The following SSX2IP variants were observed in gnomAD, a reference collection of about 807,000 sequenced individuals.
SSX2IP encodes the protein afadin- and alpha-actinin-binding protein.
A neutral mutation model predicts 84.9 loss-of-function variants in SSX2IP; 55 were observed. The ratio of observed to expected loss-of-function variants is 0.65; its 90% CI spans 0.52 to 0.81. The LOEUF (loss-of-function observed/expected upper bound fraction) is 0.81, where lower values mean the gene tolerates loss of function less well. Among genes scored for constraint, SSX2IP ranks in the 30% least tolerant of loss-of-function variants. The pLI is 0.00. For missense variants in SSX2IP, 664 were observed against 705.2 expected (o/e 0.94, Z 0.66); for synonymous variants, 239 against 234.7 (o/e 1.02, Z -0.17).
chr1:84,684,433 T>A (rs1433726551), intron 1 of SSX2IP, among the ~76,000 whole-genome samples: 87 of 152,186 alleles, frequency 5.7e-4, no homozygotes, highest in Non-Finnish European at 4.4e-5. Context: ...CCAAGAATGA[T>A]GTAAAAGTGT....
intron 1 of SSX2IP, among the ~76,000 whole-genome samples, chr1:84,685,170 C>T (rs1557534719): frequency 6.6e-6 from 1 of 152,212 alleles, no homozygotes; most frequent in Non-Finnish European, 1.5e-5. Context: ...CTAAATTCTA[C>T]CCAGTCAGTT....
chr1:84,656,957 A>C (rs1355290250), intron 9 of SSX2IP, among the ~76,000 whole-genome samples: 1 of 152,210 alleles, frequency 6.6e-6, no homozygotes, highest in African/African-American at 2.4e-5. Context: ...ACAAATACGA[A>C]GTCCAAACAT....
intron 1 of SSX2IP, among the ~76,000 whole-genome samples, chr1:84,673,466 G>A (rs1653875089): frequency 6.6e-6 from 1 of 152,208 alleles, no homozygotes; most frequent in Non-Finnish European, 1.5e-5. Context: ...TAGGAAGTCG[G>A]ATTTCCTCTA....
intron 11 of SSX2IP, chr1:84,652,307 C>T (rs1033903040): frequency 4.0e-5 from 9 of 222,874 alleles, no homozygotes; most frequent in Admixed American, 1.5e-4. Flanking sequence ...ACTACAGTCT[C>T]AGCTACTTTG....
At chr1:84,679,622 C>T (rs770123817) in intron 1 of SSX2IP, among the ~76,000 whole-genome samples, 12 of 152,136 alleles carry the variant, frequency 7.9e-5, no homozygotes, top group Non-Finnish European at 1.3e-4. Flanking sequence ...ATGCTCTCTT[C>T]AAGATGGTTT....
At chr1:84,655,044 C>T (rs1650874411) in intron 11 of SSX2IP, among the ~76,000 whole-genome samples, 1 of 151,644 alleles carries the variant, frequency 6.6e-6, no homozygotes, top group African/African-American at 2.4e-5. Flanking sequence ...ACAAGAGGAA[C>T]AATATTATGA....
Position 84,658,439 on chromosome 1 carries a change from C to T in SSX2IP, c.957G>A (p.Gly319=). The T allele has an allele frequency of 6.2e-7, 1 of 1,613,982 alleles. No homozygotes were observed. The highest frequency in any genetic ancestry group is 1.1e-5 in the South Asian group (1 of 91,046). Residue 319 remains glycine (G), a synonymous_variant, in exon 9 of 14, where the codon GGG becomes GGA. Coordinates refer to ENST00000342203, the MANE Select transcript of SSX2IP (RefSeq NM_001166293.2). ...TVISDVEEDA[G]ELSRESMWDL... ...CCCACATACTCTCTCTGCTTAGTTC[C>T]CCGGCATCTTCTTCAACATCGGAAA...
intron 1 of SSX2IP, among the ~76,000 whole-genome samples, chr1:84,689,911 G>A (rs1448538900): frequency 6.6e-6 from 1 of 152,156 alleles, no homozygotes; most frequent in Non-Finnish European, 1.5e-5. Flanking sequence ...TCGTTTTAAA[G>A]ACTGCCTCTT....
chr1:84,677,491 T>A (rs1225397521), intron 1 of SSX2IP, among the ~76,000 whole-genome samples: 1 of 152,184 alleles, frequency 6.6e-6, no homozygotes, highest in African/African-American at 2.4e-5. Flanking sequence ...GTCTCTAGGA[T>A]GGCTCTCAGT....
intron 9 of SSX2IP, among the ~76,000 whole-genome samples, chr1:84,657,211 T>G (rs970804345): frequency 2.0e-5 from 3 of 152,058 alleles, no homozygotes; most frequent in African/African-American, 4.8e-5. Flanking sequence ...AAGAATATAT[T>G]CATCAATGTA....
intron 13 of SSX2IP, chr1:84,649,858 C>A: frequency 2.1e-6 from 1 of 485,460 alleles, no homozygotes; most frequent in African/African-American, 2.0e-5. Context: ...TATGGGTTTC[C>A]CAGGGTGGAG....
intron 12 of SSX2IP, among the ~76,000 whole-genome samples, chr1:84,650,780 C>G (rs1650116085): frequency 6.6e-6 from 1 of 151,836 alleles, no homozygotes; most frequent in Middle Eastern, 3.2e-3. Flanking sequence ...TCTTGCCTCA[C>G]TGCAAGCTCC....
intron 1 of SSX2IP, among the ~76,000 whole-genome samples, chr1:84,672,852 C>G (rs942241820): frequency 4.6e-5 from 7 of 152,030 alleles, no homozygotes; most frequent in African/African-American, 1.7e-4. Flanking sequence ...TGGCGAAACC[C>G]CCGTCTCTAC....
chr1:84,649,930 C>G (rs776217283), intron 13 of SSX2IP: 2 of 542,390 alleles, frequency 3.7e-6, no homozygotes, highest in Non-Finnish European at 7.2e-6. Context: ...CAGGAACAGG[C>G]TTTTCTCAGT....
chr1:84,654,919 CAAG>C (rs2102230733), intron 11 of SSX2IP, among the ~76,000 whole-genome samples: 1 of 152,074 alleles, frequency 6.6e-6, no homozygotes, highest in South Asian at 2.1e-4. Flanking sequence ...AGAGTAACAA[CAAG>C]AAAGTCCTCA....
intron 11 of SSX2IP, 82 bp downstream of exon 11, chr1:84,655,750 A>G (rs1650988757): frequency 2.7e-6 from 4 of 1,487,298 alleles, no homozygotes; most frequent in East Asian, 2.3e-5. Flanking sequence ...AAATAGCAAG[A>G]AAAAAAGGAG....
At chr1:84,663,010 A>T (rs1460831801) in intron 6 of SSX2IP, among the ~76,000 whole-genome samples, 1 of 152,138 alleles carries the variant, frequency 6.6e-6, no homozygotes, top group Non-Finnish European at 1.5e-5. Context: ...TCTTGTTACA[A>T]TGGCAGAGAT....
chr1:84,682,553 A>G (rs1655225964), intron 1 of SSX2IP, among the ~76,000 whole-genome samples: 1 of 144,746 alleles, frequency 6.9e-6, no homozygotes, highest in Non-Finnish European at 1.5e-5. Context: ...CCCAGGCTGG[A>G]GTGCAGTGGG....
chr1:84,645,209 G>A lies in SSX2IP; in HGVS notation c.*2224C>T, dbSNP rs1649325982. 1 of 152,180 alleles carries A rather than the reference G, an allele frequency of 6.6e-6. No individual in the cohort carries two copies. The highest frequency in any genetic ancestry group is 1.9e-4 in the East Asian group (1 of 5,196). 9.4% of individuals were successfully genotyped at this position (152,180 alleles called of 1,614,324 possible). ...TGTACATTGCAAACACCTAGAAAGA[G>A]ATGGGAAACAAAATCCCAGGAGTTT... On this transcript the variant is annotated 3_prime_UTR_variant, in exon 14 of 14. Transcript: ENST00000342203.
Sources: gnomAD v4.1 joint callset for allele counts (sites outside exome capture counted in the v4.1 genomes callset) on GRCh38, gnomAD v4.1.1 for gene constraint, MANE v1.5 for transcripts, NCBI Gene and HGNC (gene_info 2026-07-23, HGNC 2026-07-21) for gene names.